The following SLCO1B1 variants were observed in gnomAD, a reference collection of about 807,000 sequenced individuals.
SLCO1B1 encodes the protein OATP-2.
Under a neutral mutation model 70.1 loss-of-function variants are expected in SLCO1B1, and 81 were observed. The observed-to-expected ratio is 1.16, with a 90% CI of 0.97 to 1.39. The LOEUF is 1.39. Ranked by LOEUF, SLCO1B1 falls within the 40% of genes most tolerant of loss-of-function variation. The pLI is 0.00. For missense variants in SLCO1B1, 895 were observed against 799.6 expected (o/e 1.12, Z -1.44); for synonymous variants, 283 against 271.5 (o/e 1.04, Z -0.42).
chr12:21,174,608 C>T lies in SLCO1B1; in HGVS notation c.258C>T (p.Tyr86=). Residue 86 remains tyrosine (Y), a synonymous_variant, in exon 4 of 15, where the codon TAC becomes TAT. Coordinates refer to ENST00000256958, the MANE Select transcript of SLCO1B1 (RefSeq NM_006446.5). ...GNLLVIVFVS[Y]FGSKLHRPKL... Reference sequence around the variant, plus strand: ...TGCTTGTGATTGTATTTGTGAGTTACTTTGGATCCAAACTACATAGACCAA... The same window carrying T: ...TGCTTGTGATTGTATTTGTGAGTTATTTTGGATCCAAACTACATAGACCAA... 2 of 1,612,988 alleles carry T rather than the reference C, an allele frequency of 1.2e-6. No individual in the cohort carries two copies. The highest frequency in any genetic ancestry group is 8.5e-7 in the Non-Finnish European group (1 of 1,179,518).
chr12:21,178,987 A>G lies in SLCO1B1; in HGVS notation c.694A>G (p.Lys232Glu). ...CTTTACCCTGGGATCTCTGTTTTCT[A>G]AAATGTACGTGGATATTGGATATGT... ...IGFTLGSLFSKMYVDIGYVDL... is the reference protein window; with the variant it reads ...IGFTLGSLFSEMYVDIGYVDL... Residue 232 changes from lysine to glutamate, a missense_variant, in exon 7 of 15, where the codon AAA (lysine) becomes GAA (glutamate). Lys to Glu is a moderately conservative substitution (Grantham distance 56). Coordinates refer to ENST00000256958, the MANE Select transcript of SLCO1B1 (RefSeq NM_006446.5). 1 of 1,610,796 alleles carries G rather than the reference A, an allele frequency of 6.2e-7. No individual in the cohort carries two copies. The highest frequency in any genetic ancestry group is 8.5e-7 in the Non-Finnish European group (1 of 1,177,292).
intron 2 of SLCO1B1, among the ~76,000 whole-genome samples, chr12:21,150,090 G>C (rs2121057111): frequency 6.6e-6 from 1 of 152,230 alleles, no homozygotes; most frequent in Admixed American, 6.5e-5. Context: ...ACTAGGAACT[G>C]GGTGGAGCCC....
intron 11 of SLCO1B1, among the ~76,000 whole-genome samples, chr12:21,209,633 C>T (rs1451710064): frequency 6.6e-6 from 1 of 151,996 alleles, no homozygotes; most frequent in East Asian, 1.9e-4. Context: ...GGAATCGCCA[C>T]ACTGACTTCC....
In SLCO1B1 at chr12:21,213,266, A is replaced by T. The variant is rs553642707; in HGVS notation, c.1498-3853A>T. Among the ~76,000 whole-genome samples, 16 of 152,120 alleles carry T rather than the reference A, an allele frequency of 1.1e-4. No individual in the cohort carries two copies. The East Asian group carries it at 2.9e-3, about 28-fold the overall frequency. On this transcript the variant is annotated intron_variant, in intron 11 of 14. Transcript: ENST00000256958. ...CTCTTGTAGGGCAGGCCTGGTGGTG[A>T]CAGAATCTCTCAGCATTTGCTTGTC...
At chr12:21,216,714 T>A (rs1941361591) in intron 11 of SLCO1B1, among the ~76,000 whole-genome samples, 1 of 152,168 alleles carries the variant, frequency 6.6e-6, no homozygotes, top group South Asian at 2.1e-4. Context: ...ATTATCTGAA[T>A]TCTTTGGATA....
chr12:21,148,045 T>C (rs1940411517), intron 2 of SLCO1B1, among the ~76,000 whole-genome samples: 1 of 152,232 alleles, frequency 6.6e-6, no homozygotes, highest in Non-Finnish European at 1.5e-5. Context: ...GCCCACTTTT[T>C]GATGGCATTG....
intron 7 of SLCO1B1, 39 bp from the exon 8 acceptor site, chr12:21,196,907 A>G (rs1941098421): frequency 6.2e-7 from 1 of 1,600,434 alleles, no homozygotes; most frequent in Admixed American, 1.7e-5. Flanking sequence ...TTGTATTTCA[A>G]AATGATTTTT....
At chr12:21,203,271 A>G (rs1027939869) in intron 10 of SLCO1B1, among the ~76,000 whole-genome samples, 1 of 152,072 alleles carries the variant, frequency 6.6e-6, no homozygotes, top group African/African-American at 2.4e-5. Flanking sequence ...GCATTAAGAA[A>G]TATTCTATAT....
chr12:21,230,552 A>T (rs1329711243), intron 14 of SLCO1B1, among the ~76,000 whole-genome samples: 1 of 151,334 alleles, frequency 6.6e-6, no homozygotes, highest in Non-Finnish European at 1.5e-5. Flanking sequence ...CTGGTCTCGA[A>T]CTCCTGACCT....
intron 2 of SLCO1B1, among the ~76,000 whole-genome samples, chr12:21,160,858 C>A (rs1940609391): frequency 6.6e-6 from 1 of 151,886 alleles, no homozygotes; most frequent in Admixed American, 6.6e-5. Context: ...AGGGTATGAA[C>A]AGACACTTTT....
chr12:21,176,743 A>G, intron 4 of SLCO1B1, 33 bp from the exon 5 acceptor site: 1 of 1,472,428 alleles, frequency 6.8e-7, no homozygotes, highest in Non-Finnish European at 9.5e-7. Context: ...TCAGTAGATA[A>G]GCAAAATGTT....
intron 2 of SLCO1B1, among the ~76,000 whole-genome samples, chr12:21,152,550 T>TTTTTTTTTTTTTTTTC (rs1246559983): frequency 6.8e-6 from 1 of 146,160 alleles, no homozygotes; most frequent in Non-Finnish European, 1.5e-5. Context: ...TTTTTTTTTT[T>TTTTTTTTTTTTTTTTC]TGCCTCTGGA....
chr12:21,137,586 A>T (rs1420823232), intron 1 of SLCO1B1, among the ~76,000 whole-genome samples: 1 of 152,056 alleles, frequency 6.6e-6, no homozygotes, highest in Non-Finnish European at 1.5e-5. Flanking sequence ...TTGATCTTGG[A>T]TGGCTGTGCT....
intron 2 of SLCO1B1, among the ~76,000 whole-genome samples, chr12:21,170,328 G>A (rs1032740556): frequency 6.6e-6 from 1 of 152,160 alleles, no homozygotes; most frequent in African/African-American, 2.4e-5. Context: ...TTTCACGATA[G>A]CCTGGAGGTA....
At chr12:21,234,035 T>G (rs1399143725) in intron 14 of SLCO1B1, among the ~76,000 whole-genome samples, 1 of 152,236 alleles carries the variant, frequency 6.6e-6, no homozygotes, top group Non-Finnish European at 1.5e-5. Context: ...GAGTAATTCA[T>G]GCAGAGCCAG....
At chr12:21,179,072 G>A (rs1940861836) in intron 7 of SLCO1B1, 52 bp downstream of exon 7, 1 of 1,122,974 alleles carries the variant, frequency 8.9e-7, no homozygotes, top group Non-Finnish European at 1.4e-6. Context: ...AAGCACACAT[G>A]CGAAAAACAT....
rs570913041 is a variant in SLCO1B1 at position 21,172,610 on chromosome 12, C to T, written c.85-40C>T. 42 of 1,609,332 alleles carry T rather than the reference C, an allele frequency of 2.6e-5. No individual in the cohort carries two copies. In the East Asian group the frequency reaches 4.5e-4, roughly 17 times the overall value. Reference sequence around the variant, plus strand: ...TGCCTATTGACATTATATAGTCCTTCGATTAACCATTTTCCCCCTTTCCTT... The same window carrying T: ...TGCCTATTGACATTATATAGTCCTTTGATTAACCATTTTCCCCCTTTCCTT... On this transcript the variant is annotated intron_variant, in intron 2 of 14. Transcript: ENST00000256958.
intron 14 of SLCO1B1, among the ~76,000 whole-genome samples, chr12:21,231,720 A>G (rs1941541113): frequency 1.3e-5 from 2 of 152,024 alleles, no homozygotes; most frequent in Admixed American, 1.3e-4. Context: ...ATATACATGT[A>G]TATATGTGTA....
chr12:21,219,545 G>T (rs753062201), intron 12 of SLCO1B1, among the ~76,000 whole-genome samples: 2 of 152,194 alleles, frequency 1.3e-5, no homozygotes, highest in African/African-American at 2.4e-5. Context: ...ATTAGTATTT[G>T]CAAAGATGCC....
Sources: gnomAD v4.1 joint callset for allele counts (sites outside exome capture counted in the v4.1 genomes callset) on GRCh38, gnomAD v4.1.1 for gene constraint, MANE v1.5 for transcripts, NCBI Gene and HGNC (gene_info 2026-07-23, HGNC 2026-07-21) for gene names.